The following DNER variants were observed in gnomAD, a reference collection of about 807,000 sequenced individuals.
DNER encodes delta and Notch-like epidermal growth factor-related receptor.
A neutral mutation model predicts 78.2 loss-of-function variants in DNER; 33 were observed. That is an observed-to-expected ratio of 0.42 (90% CI 0.32 to 0.56). The LOEUF is 0.56. Among genes scored for constraint, DNER ranks in the 20% least tolerant of loss-of-function variants. The probability of loss-of-function intolerance (pLI) is 0.11; values close to 1 mark genes in which losing one functional copy is unlikely to be tolerated. For missense variants in DNER, 918 were observed against 975.3 expected (o/e 0.94, Z 0.78); for synonymous variants, 417 against 384.8 (o/e 1.08, Z -0.98).
intron 1 of DNER, among the ~76,000 whole-genome samples, chr2:229,644,334 CTTTTTTTTTTTT>C (rs5839345): frequency 9.2e-5 from 9 of 97,534 alleles, no homozygotes; most frequent in South Asian, 3.4e-4. Flanking sequence ...CTTGCTTTCT[CTTTTTTTTTTTT>C]TTTTTTTTTT....
At chr2:229,516,286 G>A (rs191013741) in intron 5 of DNER, among the ~76,000 whole-genome samples, 1 of 152,268 alleles carries the variant, frequency 6.6e-6, no homozygotes, top group Non-Finnish European at 1.5e-5. Context: ...CTGCTGACTT[G>A]TAAGAGATCA....
At chr2:229,614,203 A>G (rs955742241) in intron 1 of DNER, among the ~76,000 whole-genome samples, 1 of 151,634 alleles carries the variant, frequency 6.6e-6, no homozygotes, top group Non-Finnish European at 1.5e-5. Context: ...TAAAAAAATA[A>G]TAATAATAAA....
At chr2:229,501,616 G>C (rs1695626133) in intron 6 of DNER, among the ~76,000 whole-genome samples, 1 of 152,156 alleles carries the variant, frequency 6.6e-6, no homozygotes, top group South Asian at 2.1e-4. Flanking sequence ...ACTTTGTTGA[G>C]AGTTTTTGTT....
intron 12 of DNER, among the ~76,000 whole-genome samples, chr2:229,364,534 G>C (rs1355726166): frequency 6.6e-6 from 1 of 152,154 alleles, no homozygotes; most frequent in African/African-American, 2.4e-5. Context: ...AAGATGAGCA[G>C]CCATGCAGGG....
At chr2:229,365,787 C>A (rs1353811164) in intron 12 of DNER, among the ~76,000 whole-genome samples, 1 of 152,150 alleles carries the variant, frequency 6.6e-6, no homozygotes, top group African/African-American at 2.4e-5. Flanking sequence ...CAAGATAGAT[C>A]ATATAGCACC....
chr2:229,478,177 A>G (rs1307838995), intron 6 of DNER, among the ~76,000 whole-genome samples: 2 of 152,218 alleles, frequency 1.3e-5, no homozygotes, highest in Non-Finnish European at 2.9e-5. Context: ...TACTGTAGAG[A>G]TAATTCCTAT....
chr2:229,396,214 C>A (rs1032057454), intron 10 of DNER, among the ~76,000 whole-genome samples: 7 of 152,108 alleles, frequency 4.6e-5, no homozygotes, highest in African/African-American at 1.7e-4. Context: ...TAAAAGAGCT[C>A]TAATTACTTA....
At chr2:229,483,294 G>C (rs1329635184) in intron 6 of DNER, among the ~76,000 whole-genome samples, 1 of 152,188 alleles carries the variant, frequency 6.6e-6, no homozygotes, top group Non-Finnish European at 1.5e-5. Flanking sequence ...TCCATTAGCG[G>C]TATGAGTCTT....
intron 10 of DNER, among the ~76,000 whole-genome samples, chr2:229,401,693 C>A (rs1693270519): frequency 6.6e-6 from 1 of 152,046 alleles, no homozygotes; most frequent in African/African-American, 2.4e-5. Context: ...AAAAGGGTAA[C>A]CAGTATCCTG....
chr2:229,502,644 C>T (rs1394554123), intron 6 of DNER, among the ~76,000 whole-genome samples: 2 of 152,116 alleles, frequency 1.3e-5, no homozygotes, highest in South Asian at 2.1e-4. Flanking sequence ...AAACAAAAAA[C>T]AAGAAACAGA....
chr2:229,550,221 G>A (rs1249368601), intron 4 of DNER, among the ~76,000 whole-genome samples: 1 of 151,948 alleles, frequency 6.6e-6, no homozygotes, highest in African/African-American at 2.4e-5. Flanking sequence ...TCGAACTCCT[G>A]GCCTCAAGTG....
At chr2:229,668,571 T>TAG (rs1200854776) in intron 1 of DNER, among the ~76,000 whole-genome samples, 1 of 96,262 alleles carries the variant, frequency 1.0e-5, no homozygotes, top group African/African-American at 4.2e-5. Flanking sequence ...TATATATATA[T>TAG]ATATATATAA....
chr2:229,561,454 C>T (rs1161896162), intron 4 of DNER, among the ~76,000 whole-genome samples: 2 of 152,136 alleles, frequency 1.3e-5, no homozygotes, highest in African/African-American at 2.4e-5. Flanking sequence ...AACTACCTTC[C>T]TACTTTATAA....
At chr2:229,369,397 A>C (rs892319426) in intron 11 of DNER, among the ~76,000 whole-genome samples, 1 of 151,634 alleles carries the variant, frequency 6.6e-6, no homozygotes, top group African/African-American at 2.4e-5. Context: ...AAAAGTTAAA[A>C]AAAAGTTTTA....
chr2:229,668,419 TA>T lies in DNER; in HGVS notation c.276+45728del, dbSNP rs1477173329. 9.5e-3 allele frequency among the ~76,000 whole-genome samples: 6 copies of T among 632 alleles called. No homozygotes were observed. The Non-Finnish European group carries it at 0.11, about 12-fold the overall frequency. The allele number at this position is 632 out of a possible 152,430, so 0.4% of individuals were successfully genotyped here. The stretch of plus-strand genomic sequence containing the variant: ...AAAGAATACACATAAAATATTCTTT[TA>T]TATATATATATATATATATATACAC... On this transcript the variant is annotated intron_variant, in intron 1 of 12. Coordinates refer to ENST00000341772, the MANE Select transcript of DNER (RefSeq NM_139072.4).
intron 8 of DNER, among the ~76,000 whole-genome samples, chr2:229,435,847 T>C (rs1185712924): frequency 1.3e-5 from 2 of 152,078 alleles, no homozygotes; most frequent in South Asian, 2.1e-4. Flanking sequence ...TAAAACCAAG[T>C]GGGATTGTAA....
At position 229,619,422 on chromosome 2, in the gene DNER, T is replaced by C. The variant is rs75902788; in HGVS notation, c.277-27534A>G. ...CTAAAAACCAGCTCAGTGATGTAAG[T>C]GCAGAGAGACATCTGGCTTGGAAAG... On this transcript the variant is annotated intron_variant, in intron 1 of 12. Coordinates refer to ENST00000341772, the MANE Select transcript of DNER (RefSeq NM_139072.4). Among the ~76,000 whole-genome samples, 1,239 of 152,212 alleles carry C rather than the reference T, an allele frequency of 8.1e-3. 17 individuals are homozygous for C. Among genetic ancestry groups the C allele is most frequent in the African/African-American group, 0.029 (1,190 of 41,516 alleles).
intron 8 of DNER, among the ~76,000 whole-genome samples, chr2:229,442,105 G>A (rs1216236988): frequency 6.6e-6 from 1 of 152,176 alleles, no homozygotes; most frequent in Non-Finnish European, 1.5e-5. Context: ...GAAAAGGAAG[G>A]ACATGAGGGC....
chr2:229,633,089 A>G (rs1212400966), intron 1 of DNER, among the ~76,000 whole-genome samples: 1 of 152,230 alleles, frequency 6.6e-6, no homozygotes, highest in East Asian at 1.9e-4. Context: ...TAAATAAGTG[A>G]CATAAGTAAT....
Sources: gnomAD v4.1 joint callset for allele counts (sites outside exome capture counted in the v4.1 genomes callset) on GRCh38, gnomAD v4.1.1 for gene constraint, MANE v1.5 for transcripts, NCBI Gene and HGNC (gene_info 2026-07-23, HGNC 2026-07-21) for gene names.